ADAMTS12: variants seen among roughly 807,000 people sequenced by gnomAD.
ADAMTS12 encodes the protein ADAM metallopeptidase with thrombospondin type 1 motif 12.
A neutral mutation model predicts 167.8 loss-of-function variants in ADAMTS12; 118 were observed. That is an observed-to-expected ratio of 0.70 (90% CI 0.61 to 0.82). The LOEUF (loss-of-function observed/expected upper bound fraction) is 0.82. Ranked by LOEUF, ADAMTS12 falls within the 40% of genes least tolerant of loss-of-function variation. The pLI is 0.00. For missense variants in ADAMTS12, 1,916 were observed against 1,998.8 expected, an observed-to-expected ratio of 0.96 and a Z score of 0.79; for synonymous variants, 704 against 716.9, an observed-to-expected ratio of 0.98 and a Z score of 0.29.
chr5:33,659,339 G>A (rs1258419633), intron 6 of ADAMTS12, among the ~76,000 whole-genome samples: 1 of 152,200 alleles, frequency 6.6e-6, no homozygotes, highest in Non-Finnish European at 1.5e-5. Context: ...TTCAGTACTG[G>A]AGAGCGAGAT....
chr5:33,532,589 C>T (rs1744172302), intron 23 of ADAMTS12, among the ~76,000 whole-genome samples: 1 of 151,084 alleles, frequency 6.6e-6, no homozygotes, highest in South Asian at 2.1e-4. Context: ...GTTTTTTAAT[C>T]AATAAGAATG....
chr5:33,825,611 T>A (rs1748036761), intron 2 of ADAMTS12, among the ~76,000 whole-genome samples: 1 of 152,216 alleles, frequency 6.6e-6, no homozygotes, highest in Non-Finnish European at 1.5e-5. Flanking sequence ...AACTATTTGA[T>A]CAAGGTAGTG....
chr5:33,769,112 G>A (rs557741449), intron 2 of ADAMTS12, among the ~76,000 whole-genome samples: 8 of 152,092 alleles, frequency 5.3e-5, no homozygotes, highest in South Asian at 2.1e-4. Context: ...AGAAAGGCTG[G>A]CTTGGAAGAT....
intron 2 of ADAMTS12, among the ~76,000 whole-genome samples, chr5:33,873,197 A>G (rs1308982559): frequency 6.6e-6 from 1 of 151,896 alleles, no homozygotes; most frequent in Non-Finnish European, 1.5e-5. Flanking sequence ...CTCCTGAAAC[A>G]ATTGTAGCAA....
intron 23 of ADAMTS12, among the ~76,000 whole-genome samples, chr5:33,530,464 A>C (rs1561103197): frequency 6.6e-6 from 1 of 152,166 alleles, no homozygotes; most frequent in Admixed American, 6.5e-5. Flanking sequence ...TCCAAGCATC[A>C]CAAAGCCGCC....
chr5:33,682,761 G>A (rs1054614338), intron 5 of ADAMTS12, among the ~76,000 whole-genome samples: 2 of 152,194 alleles, frequency 1.3e-5, no homozygotes, highest in African/African-American at 4.8e-5. Context: ...AGTGACTGCG[G>A]TGAGTCTCAT....
At chr5:33,692,864 C>T (rs950262673) in intron 3 of ADAMTS12, among the ~76,000 whole-genome samples, 21 of 152,132 alleles carry the variant, frequency 1.4e-4, no homozygotes, top group African/African-American at 2.2e-4. Flanking sequence ...ACTCTTGTTC[C>T]GGAGAAAATA....
chr5:33,672,619 A>C (rs1022940792), intron 5 of ADAMTS12, among the ~76,000 whole-genome samples: 1 of 152,224 alleles, frequency 6.6e-6, no homozygotes, highest in Admixed American at 6.5e-5. Context: ...CACTGGCTTC[A>C]ATCACCAGTT....
chr5:33,613,369 C>CA (rs1289198201), intron 16 of ADAMTS12, among the ~76,000 whole-genome samples: 3 of 152,212 alleles, frequency 2.0e-5, no homozygotes, highest in African/African-American at 7.2e-5. Context: ...GTTCATCCAG[C>CA]ACTGCAGCAG....
intron 20 of ADAMTS12, among the ~76,000 whole-genome samples, chr5:33,558,161 T>C (rs181476788): frequency 2.0e-5 from 3 of 152,150 alleles, no homozygotes. Flanking sequence ...ATTCCCCCAG[T>C]CCGTGGAAAA....
intron 2 of ADAMTS12, among the ~76,000 whole-genome samples, chr5:33,753,704 G>A (rs1409559729): frequency 6.6e-6 from 1 of 152,148 alleles, no homozygotes; most frequent in Non-Finnish European, 1.5e-5. Flanking sequence ...TCCACTTGAG[G>A]ACATAATAAC....
chr5:33,721,509 A>G (rs1041376462), intron 3 of ADAMTS12, among the ~76,000 whole-genome samples: 1 of 152,150 alleles, frequency 6.6e-6, no homozygotes, highest in Non-Finnish European at 1.5e-5. Flanking sequence ...AAAGGTCTCC[A>G]TGGTCTCTCA....
chr5:33,862,745 G>T (rs1749667938), intron 2 of ADAMTS12, among the ~76,000 whole-genome samples: 1 of 152,048 alleles, frequency 6.6e-6, no homozygotes, highest in Non-Finnish European at 1.5e-5. Context: ...AACAAAAAAA[G>T]AAAATTTCAG....
In ADAMTS12 at chr5:33,549,326, G is replaced by A. The variant is rs1397116841; in HGVS notation, c.4183C>T (p.Arg1395Trp). Residue 1395 changes from arginine (R) to tryptophan (W), a missense_variant, in exon 21 of 24, where the codon CGG becomes TGG. Transcript: ENST00000504830. ...AATGGCCTCAGGTTCCGGTGGTCCC[G>A]GCTGTCCACGCACTGAATCTCGCGT... ...KIREIQCVDSRDHRNLRPFHC... is the reference protein window; with the variant it reads ...KIREIQCVDSWDHRNLRPFHC... 15 of 1,614,058 alleles carry A rather than the reference G, an allele frequency of 9.3e-6. No homozygotes were observed. Among genetic ancestry groups the A allele is most frequent in the Non-Finnish European group, 1.2e-5 (14 of 1,180,018 alleles).
At chr5:33,643,682 C>T (rs910204975) in intron 9 of ADAMTS12, among the ~76,000 whole-genome samples, 1 of 152,168 alleles carries the variant, frequency 6.6e-6, no homozygotes, top group African/African-American at 2.4e-5. Flanking sequence ...ATAGATCATA[C>T]TAGGTAATAT....
chr5:33,774,511 C>T (rs896406447), intron 2 of ADAMTS12, among the ~76,000 whole-genome samples: 1 of 152,114 alleles, frequency 6.6e-6, no homozygotes, highest in Non-Finnish European at 1.5e-5. Context: ...GTGTAACAGG[C>T]CCACCCACTG....
chr5:33,560,644 C>A (rs1745695098), intron 20 of ADAMTS12, among the ~76,000 whole-genome samples: 1 of 151,606 alleles, frequency 6.6e-6, no homozygotes, highest in South Asian at 2.1e-4. Context: ...AGCTGGAAAC[C>A]ATTATTATCA....
intron 2 of ADAMTS12, among the ~76,000 whole-genome samples, chr5:33,785,187 A>T (rs2112448108): frequency 6.6e-6 from 1 of 152,218 alleles, no homozygotes; most frequent in South Asian, 2.1e-4. Context: ...TGGATCATAG[A>T]CATAAATATA....
At chr5:33,791,175 T>A (rs1746553646) in intron 2 of ADAMTS12, among the ~76,000 whole-genome samples, 1 of 152,152 alleles carries the variant, frequency 6.6e-6, no homozygotes, top group African/African-American at 2.4e-5. Flanking sequence ...ACCTCTTGAC[T>A]CTCAGCAAGA....
Sources: gnomAD v4.1 joint callset for allele counts (sites outside exome capture counted in the v4.1 genomes callset) on GRCh38, gnomAD v4.1.1 for gene constraint, MANE v1.5 for transcripts, NCBI Gene and HGNC (gene_info 2026-07-23, HGNC 2026-07-21) for gene names.